Variants in NRXN1 observed in about 807,000 individuals in gnomAD.
NRXN1 encodes the protein neurexin-1.
NRXN1 carries 39 observed loss-of-function variants against 150.9 expected under a neutral mutation model. The ratio of observed to expected loss-of-function variants is 0.26; its 90% CI spans 0.20 to 0.34. The LOEUF (loss-of-function observed/expected upper bound fraction) is 0.34, where lower values mean the gene tolerates loss of function less well. NRXN1 is among the 10% of genes least tolerant of loss of function. The pLI is 1.00. For synonymous variants in NRXN1, 924 were observed against 757.0 expected, an observed-to-expected ratio of 1.22 and a Z score of -3.62; for missense variants, 1,815 against 1,949.9, an observed-to-expected ratio of 0.93 and a Z score of 1.30.
intron 17 of NRXN1, among the ~76,000 whole-genome samples, chr2:50,374,338 T>TAAATAAAA (rs1431360704): frequency 1.3e-4 from 20 of 150,396 alleles, no homozygotes; most frequent in East Asian, 5.8e-4. Context: ...AATAAATAAA[T>TAAATAAAA]AAAATTGGGT....
chr2:50,855,368 G>C (rs978616452), intron 5 of NRXN1, among the ~76,000 whole-genome samples: 1 of 151,888 alleles, frequency 6.6e-6, no homozygotes, highest in Non-Finnish European at 1.5e-5. Flanking sequence ...TTATCAAAAA[G>C]AAAACTGAGA....
chr2:50,188,461 G>A (rs1185430852), intron 18 of NRXN1, among the ~76,000 whole-genome samples: 4 of 152,038 alleles, frequency 2.6e-5, no homozygotes, highest in Non-Finnish European at 5.9e-5. Flanking sequence ...ACATAAGCAT[G>A]GGCAAAAACT....
At chr2:50,869,815 G>T (rs1332421519) in intron 5 of NRXN1, among the ~76,000 whole-genome samples, 3 of 151,804 alleles carry the variant, frequency 2.0e-5, no homozygotes, top group Non-Finnish European at 4.4e-5. Context: ...CAACATAAGT[G>T]AGTTGATTTG....
chr2:50,581,777 T>C (rs1434040113), intron 8 of NRXN1, among the ~76,000 whole-genome samples: 1 of 152,140 alleles, frequency 6.6e-6, no homozygotes, highest in African/African-American at 2.4e-5. Context: ...CTAGAAATGA[T>C]GGAGCCAAAC....
At chr2:51,010,623 C>T (rs1273752650) in intron 2 of NRXN1, among the ~76,000 whole-genome samples, 1 of 151,940 alleles carries the variant, frequency 6.6e-6, no homozygotes, top group Non-Finnish European at 1.5e-5. Context: ...ACCAAAGTTC[C>T]TAGAGATGAA....
At chr2:50,277,603 G>T (rs2070732079) in intron 17 of NRXN1, among the ~76,000 whole-genome samples, 1 of 150,510 alleles carries the variant, frequency 6.6e-6, no homozygotes, top group South Asian at 2.1e-4. Context: ...TCAGTGTCTA[G>T]ACCATCTTTG....
rs1269641158 is a variant in NRXN1 at position 50,886,980 on chromosome 2, T to C, written c.832+34889A>G. Among the ~76,000 whole-genome samples the C allele has an allele frequency of 4.0e-5, 6 of 151,460 alleles. No homozygotes were observed. In the Admixed American group the frequency reaches 4.0e-4, roughly 10 times the overall value. On this transcript the variant is annotated intron_variant, in intron 5 of 22. Coordinates refer to ENST00000401669, the MANE Select transcript of NRXN1 (RefSeq NM_001330078.2). ...AGTCAGTTAAATTTCAAATAATTTTTAGAATATATTAAATTTGGATGAGAA... is the reference window on the plus strand; with the variant it reads ...AGTCAGTTAAATTTCAAATAATTTTCAGAATATATTAAATTTGGATGAGAA...
chr2:50,921,560 C>T (rs1273267058), intron 5 of NRXN1, among the ~76,000 whole-genome samples: 1 of 151,604 alleles, frequency 6.6e-6, no homozygotes, highest in African/African-American at 2.4e-5. Context: ...AGTTCCTACA[C>T]TTATTTAAGT....
chr2:50,507,993 G>GA (rs942287322), intron 12 of NRXN1, among the ~76,000 whole-genome samples: 5 of 134,218 alleles, frequency 3.7e-5, no homozygotes, highest in South Asian at 2.5e-4. Context: ...AGGAGAAGAA[G>GA]AAAAAAAAAG....
chr2:50,628,652 T>TAAG (rs1681648257), intron 5 of NRXN1, among the ~76,000 whole-genome samples: 1 of 151,746 alleles, frequency 6.6e-6, no homozygotes, highest in African/African-American at 2.4e-5. Context: ...GCTGAACACT[T>TAAG]AAAGAATAAG....
intron 17 of NRXN1, among the ~76,000 whole-genome samples, chr2:50,354,560 T>C (rs930216001): frequency 8.7e-5 from 11 of 126,732 alleles, no homozygotes; most frequent in African/African-American, 1.4e-4. Flanking sequence ...CATACATATA[T>C]ATATATATAT....
chr2:50,646,395 A>G (rs1684818661), intron 5 of NRXN1, among the ~76,000 whole-genome samples: 1 of 152,012 alleles, frequency 6.6e-6, no homozygotes. Flanking sequence ...AAATTGGTCA[A>G]TTTGTTTAGT....
At chr2:50,768,509 G>A (rs967125912) in intron 5 of NRXN1, among the ~76,000 whole-genome samples, 6 of 151,430 alleles carry the variant, frequency 4.0e-5, no homozygotes, top group African/African-American at 1.5e-4. Context: ...GTCTCACTAT[G>A]TTGCAGAGGC....
chr2:50,753,488 C>T (rs1464925635), intron 5 of NRXN1, among the ~76,000 whole-genome samples: 1 of 151,832 alleles, frequency 6.6e-6, no homozygotes, highest in Non-Finnish European at 1.5e-5. Context: ...TAATCACTCC[C>T]ATGCACGGTT....
intron 17 of NRXN1, among the ~76,000 whole-genome samples, chr2:50,351,178 T>C (rs1378207829): frequency 6.6e-6 from 1 of 152,196 alleles, no homozygotes; most frequent in African/African-American, 2.4e-5. Context: ...CACAAATTGT[T>C]CTCAGGTGAT....
At chr2:50,209,870 C>T (rs947275938) in intron 18 of NRXN1, among the ~76,000 whole-genome samples, 2 of 120,176 alleles carry the variant, frequency 1.7e-5, no homozygotes, top group Non-Finnish European at 3.5e-5. Flanking sequence ...CAATAATTCA[C>T]TTTGTAACCA....
At chr2:50,406,869 A>AT in intron 17 of NRXN1, among the ~76,000 whole-genome samples, 1 of 152,170 alleles carries the variant, frequency 6.6e-6, no homozygotes, top group East Asian at 1.9e-4. Flanking sequence ...AATTTAATCT[A>AT]TGCAGCATTC....
intron 5 of NRXN1, among the ~76,000 whole-genome samples, chr2:50,745,848 C>T (rs575017297): frequency 6.6e-6 from 1 of 152,200 alleles, no homozygotes; most frequent in South Asian, 2.1e-4. Flanking sequence ...CCCACTGGGT[C>T]CCTTTCATCA....
At chr2:50,318,886 C>G (rs186665660) in intron 17 of NRXN1, among the ~76,000 whole-genome samples, 1 of 152,060 alleles carries the variant, frequency 6.6e-6, no homozygotes, top group East Asian at 1.9e-4. Flanking sequence ...GTGCTGGCCA[C>G]AAAGTTTTTC....
Sources: allele counts gnomAD v4.1 joint callset (sites outside exome capture counted in the v4.1 genomes callset), GRCh38; gene constraint gnomAD v4.1.1; transcripts MANE v1.5; gene names NCBI Gene and HGNC (gene_info 2026-07-23, HGNC 2026-07-21).